Variants in CSMD3 observed in about 807,000 individuals in gnomAD.
The protein encoded by CSMD3 is CUB and Sushi multiple domains 3.
A neutral mutation model predicts 435.2 loss-of-function variants in CSMD3; 177 were observed. The observed-to-expected ratio is 0.41, with a 90% confidence interval of 0.36 to 0.46. The LOEUF is 0.46. Among genes scored for constraint, CSMD3 ranks in the 20% least tolerant of loss-of-function variants. The pLI, the probability that CSMD3 is intolerant of heterozygous loss-of-function variation, is 0.34. For synonymous variants in CSMD3, 1,656 were observed against 1,520.5 expected, an observed-to-expected ratio of 1.09 and a Z score of -2.07; for missense variants, 4,265 against 4,504.6, an observed-to-expected ratio of 0.95 and a Z score of 1.52.
At chr8:113,153,170 G>GGAAGGAAGGAAA (rs1205646297) in intron 4 of CSMD3, among the ~76,000 whole-genome samples, 1 of 136,656 alleles carries the variant, frequency 7.3e-6, no homozygotes, top group Non-Finnish European at 1.6e-5. Context: ...AAGGAAGGAA[G>GGAAGGAAGGAAA]GAAAGAAGGA....
At chr8:113,197,040 G>T (rs1267067302) in intron 3 of CSMD3, among the ~76,000 whole-genome samples, 2 of 151,126 alleles carry the variant, frequency 1.3e-5, no homozygotes, top group Non-Finnish European at 3.0e-5. Flanking sequence ...TTAGCCCAGA[G>T]TACAGGACAT....
At chr8:113,372,910 C>T (rs1310274293) in intron 1 of CSMD3, among the ~76,000 whole-genome samples, 4 of 142,630 alleles carry the variant, frequency 2.8e-5, no homozygotes, top group Admixed American at 7.5e-5. Flanking sequence ...GTCCGCAGTC[C>T]GGCCTGGGCG....
At chr8:112,789,438 T>C (rs2078632146) in intron 13 of CSMD3, among the ~76,000 whole-genome samples, 1 of 152,054 alleles carries the variant, frequency 6.6e-6, no homozygotes, top group South Asian at 2.1e-4. Context: ...AAATCAGCAA[T>C]GCATATGGAA....
intron 3 of CSMD3, among the ~76,000 whole-genome samples, chr8:113,264,926 C>T (rs1410130298): frequency 6.6e-6 from 1 of 151,508 alleles, no homozygotes; most frequent in Non-Finnish European, 1.5e-5. Flanking sequence ...TGTATATCAG[C>T]TGAGTTTAAC....
chr8:112,858,084 G>A (rs1012403312), intron 11 of CSMD3, among the ~76,000 whole-genome samples: 1 of 151,624 alleles, frequency 6.6e-6, no homozygotes, highest in African/African-American at 2.4e-5. Flanking sequence ...TCCCTTGGTT[G>A]AGTTTTAAAC....
At chr8:112,837,455 T>C (rs1564010623) in intron 11 of CSMD3, among the ~76,000 whole-genome samples, 1 of 151,434 alleles carries the variant, frequency 6.6e-6, no homozygotes, top group Non-Finnish European at 1.5e-5. Context: ...CCCATTTCTC[T>C]AAAAAAAAGT....
intron 58 of CSMD3, among the ~76,000 whole-genome samples, chr8:112,286,599 T>C (rs1366957704): frequency 6.6e-6 from 1 of 152,152 alleles, no homozygotes; most frequent in Non-Finnish European, 1.5e-5. Context: ...ATAATTGTTC[T>C]ATTTTACTAT....
intron 30 of CSMD3, among the ~76,000 whole-genome samples, chr8:112,494,772 T>C (rs887711078): frequency 2.6e-5 from 4 of 152,074 alleles, no homozygotes; most frequent in African/African-American, 9.7e-5. Flanking sequence ...AAAAGTGGTA[T>C]CTAAAGTGAG....
At chr8:112,320,175 C>T (rs1346575140) in intron 45 of CSMD3, among the ~76,000 whole-genome samples, 194 bp from the exon 46 acceptor site, 2 of 152,008 alleles carry the variant, frequency 1.3e-5, no homozygotes, top group Non-Finnish European at 2.9e-5. Context: ...GGTAACAATG[C>T]TTACTTTTTA....
intron 4 of CSMD3, among the ~76,000 whole-genome samples, chr8:113,152,355 T>C (rs1359003037): frequency 6.6e-6 from 1 of 152,060 alleles, no homozygotes; most frequent in East Asian, 1.9e-4. Flanking sequence ...ATCAAGGATA[T>C]GGAACAAACA....
intron 2 of CSMD3, chr8:113,312,626 A>T (rs902388848): frequency 6.6e-6 from 1 of 152,218 alleles, no homozygotes; most frequent in Non-Finnish European, 1.5e-5. Flanking sequence ...CATTACTATC[A>T]GGGAATTGAT....
chr8:113,330,584 A>G (rs752776883), intron 1 of CSMD3, among the ~76,000 whole-genome samples: 19 of 151,982 alleles, frequency 1.3e-4, no homozygotes, highest in Admixed American at 3.3e-4. Context: ...AAATGAAAGT[A>G]AAATAAAAGG....
rs1346772139 is a variant in CSMD3, at chr8:113,238,704, AC to A, written c.514+39887del. Among the ~76,000 whole-genome samples, 5 of 152,286 alleles carry A rather than the reference AC, an allele frequency of 3.3e-5. No homozygotes were observed. The East Asian group carries it at 9.7e-4, about 29-fold the overall frequency. ...AGGCTTCAATTTGCAAAACTATGCC[AC>A]ACAAACTTGCAATTCAAAAGGTTCT... is the stretch of plus-strand genomic sequence containing the variant. On this transcript the variant is annotated intron_variant, in intron 3 of 70. Transcript: ENST00000297405.
intron 2 of CSMD3, among the ~76,000 whole-genome samples, chr8:113,286,487 G>A (rs1026163949): frequency 1.3e-5 from 2 of 151,974 alleles, no homozygotes; most frequent in Non-Finnish European, 2.9e-5. Context: ...AGAATATTTT[G>A]TAATTAATGA....
intron 32 of CSMD3, among the ~76,000 whole-genome samples, chr8:112,443,287 A>G (rs1192564944): frequency 6.6e-6 from 1 of 152,216 alleles, no homozygotes; most frequent in Non-Finnish European, 1.5e-5. Flanking sequence ...AACATACAGT[A>G]GCAAACGGTT....
chr8:112,786,603 T>G (rs996266601), intron 13 of CSMD3, among the ~76,000 whole-genome samples: 4 of 151,936 alleles, frequency 2.6e-5, no homozygotes, highest in African/African-American at 9.7e-5. Flanking sequence ...GGCAAAGATC[T>G]AATCTGAATA....
At chr8:112,801,008 T>A (rs2132333647) in intron 12 of CSMD3, among the ~76,000 whole-genome samples, 1 of 152,028 alleles carries the variant, frequency 6.6e-6, no homozygotes, top group Admixed American at 6.6e-5. Context: ...AATTAGTAAA[T>A]AAGACCTTAG....
Position 112,682,464 on chromosome 8 carries a change from A to G in CSMD3, c.2655T>C (p.Ser885=). 2 of 1,612,048 alleles carry G rather than the reference A, an allele frequency of 1.2e-6. No individual in the cohort carries two copies. Among genetic ancestry groups the G allele is most frequent in the Non-Finnish European group, 1.7e-6 (2 of 1,179,602 alleles). Residue 885 remains serine, a synonymous_variant, in exon 16 of 71, where the codon AGT becomes AGC. Coordinates refer to ENST00000297405, the MANE Select transcript of CSMD3 (RefSeq NM_198123.2). The stretch of plus-strand genomic sequence containing the variant: ...TACCTCCACATTTTGGAATCAGTCC[A>G]CTCCACATTACTTTTCCATCCATAA... The part of the protein sequence containing the change: ...CILMDGKVMW[S]GLIPKCGAPC...
At chr8:112,814,813 C>CA in intron 12 of CSMD3, among the ~76,000 whole-genome samples, 1 of 151,620 alleles carries the variant, frequency 6.6e-6, no homozygotes, top group Middle Eastern at 3.4e-3. Flanking sequence ...TTTCATTATA[C>CA]CAAGGGAGCC....
Sources: gnomAD v4.1 joint callset for allele counts (sites outside exome capture counted in the v4.1 genomes callset) on GRCh38, gnomAD v4.1.1 for gene constraint, MANE v1.5 for transcripts, NCBI Gene and HGNC (gene_info 2026-07-23, HGNC 2026-07-21) for gene names.